Variants in CACNA2D3 observed in about 807,000 individuals in gnomAD.
CACNA2D3 encodes the protein calcium voltage-gated channel auxiliary subunit alpha2delta 3.
In CACNA2D3, 60 loss-of-function variants were observed where a neutral mutation model predicts 160.6. The observed-to-expected ratio is 0.37, with a 90% CI of 0.30 to 0.46. The LOEUF is 0.46. CACNA2D3 is among the 20% of genes least tolerant of loss of function. CACNA2D3 has a pLI of 1.00. For synonymous variants in CACNA2D3, 558 were observed against 492.9 expected, an observed-to-expected ratio of 1.13 and a Z score of -1.75; for missense variants, 1,205 against 1,365.0, an observed-to-expected ratio of 0.88 and a Z score of 1.85.
chr3:54,356,144 G>A (rs1405494768), intron 3 of CACNA2D3, among the ~76,000 whole-genome samples: 1 of 152,196 alleles, frequency 6.6e-6, no homozygotes, highest in Non-Finnish European at 1.5e-5. Context: ...AGCTCCCTCA[G>A]TGAAATTTGG....
chr3:54,444,302 A>G (rs948026914), intron 4 of CACNA2D3, among the ~76,000 whole-genome samples: 2 of 152,142 alleles, frequency 1.3e-5, no homozygotes, highest in Non-Finnish European at 2.9e-5. Context: ...TTAATGAGCA[A>G]TTCCTGCTTA....
intron 35 of CACNA2D3, among the ~76,000 whole-genome samples, chr3:55,055,693 C>A (rs753079117): frequency 1.3e-5 from 2 of 152,022 alleles, no homozygotes; most frequent in Non-Finnish European, 2.9e-5. Flanking sequence ...AGGATATTTT[C>A]CATTTTTGGT....
chr3:55,056,286 A>C (rs1338746757), intron 35 of CACNA2D3, among the ~76,000 whole-genome samples: 1 of 152,218 alleles, frequency 6.6e-6, no homozygotes, highest in Non-Finnish European at 1.5e-5. Context: ...ACTAGCTCTT[A>C]TTAAAAGGAT....
At position 54,827,437 on chromosome 3, in the gene CACNA2D3, CCTT is replaced by C. The variant is rs376574341; in HGVS notation, c.1399-9719_1399-9717del. Among the ~76,000 whole-genome samples, 113 of 152,326 alleles carry C rather than the reference CCTT, an allele frequency of 7.4e-4. 1 individual carries two copies. The highest frequency in any genetic ancestry group is 3.4e-3 in the Middle Eastern group (1 of 294). ...AAAATGACTCAGCAAGTTTGAGTAA[CCTT>C]CTCCAGCATGTTAATGCAGGTCTGT... On this transcript the variant is annotated intron_variant, in intron 14 of 37. Coordinates refer to ENST00000474759, the MANE Select transcript of CACNA2D3 (RefSeq NM_018398.3).
chr3:54,968,639 C>T, intron 28 of CACNA2D3, 128 bp downstream of exon 28: 1 of 673,290 alleles, frequency 1.5e-6, no homozygotes, highest in Non-Finnish European at 2.7e-6. Context: ...GCCGGCTGCT[C>T]AGATTACCTT....
intron 4 of CACNA2D3, among the ~76,000 whole-genome samples, chr3:54,500,002 T>A (rs1379716742): frequency 6.6e-6 from 1 of 152,166 alleles, no homozygotes; most frequent in Non-Finnish European, 1.5e-5. Flanking sequence ...AGTCTTTAAC[T>A]ATAATAGCTA....
At chr3:54,532,995 A>ACT (rs1189965089) in intron 5 of CACNA2D3, among the ~76,000 whole-genome samples, 1 of 152,168 alleles carries the variant, frequency 6.6e-6, no homozygotes, top group African/African-American at 2.4e-5. Context: ...GGCCATTCTT[A>ACT]CTAGTGTAAG....
intron 2 of CACNA2D3, among the ~76,000 whole-genome samples, chr3:54,313,260 C>T (rs1703780717): frequency 6.6e-6 from 1 of 152,022 alleles, no homozygotes; most frequent in African/African-American, 2.4e-5. Flanking sequence ...TGTGTCTGGC[C>T]CCTAGAACCC....
chr3:54,870,349 C>T (rs2106818364), intron 17 of CACNA2D3, among the ~76,000 whole-genome samples: 1 of 152,292 alleles, frequency 6.6e-6, no homozygotes, highest in African/African-American at 2.4e-5. Flanking sequence ...TCTTAAAACA[C>T]TTAGACTGAC....
At chr3:54,871,213 AC>A (rs1454045802) in intron 17 of CACNA2D3, among the ~76,000 whole-genome samples, 2 of 107,012 alleles carry the variant, frequency 1.9e-5, no homozygotes, top group East Asian at 1.1e-3. Context: ...ACACACACAC[AC>A]ACACACACAC....
chr3:54,538,837 T>C (rs773425667), intron 5 of CACNA2D3, among the ~76,000 whole-genome samples: 1 of 152,170 alleles, frequency 6.6e-6, no homozygotes, highest in Admixed American at 6.5e-5. Context: ...GTCCATACTA[T>C]ATGTATGAAT....
At position 54,887,940 on chromosome 3, in the gene CACNA2D3, T is replaced by C. The variant is rs997186637; in HGVS notation, c.2057-19T>C. The C allele has an allele frequency of 3.1e-6, 5 of 1,604,750 alleles. No individual in the cohort carries two copies. The African/African-American group carries it at 6.7e-5, about 21-fold the overall frequency. ...TTCCAGCCCTGCTGAAGCATCCTCTTGTCTGTCCCTCCCAACAGGTGATAA... is the reference window on the plus strand; with the variant it reads ...TTCCAGCCCTGCTGAAGCATCCTCTCGTCTGTCCCTCCCAACAGGTGATAA... On this transcript the variant is annotated intron_variant, in intron 23 of 37. Transcript: ENST00000474759.
At chr3:54,833,302 C>CATAGCAGT (rs1703917916) in intron 14 of CACNA2D3, among the ~76,000 whole-genome samples, 1 of 152,206 alleles carries the variant, frequency 6.6e-6, no homozygotes, top group South Asian at 2.1e-4. Context: ...AGTGTAATTG[C>CATAGCAGT]ATAGCAGTTC....
chr3:54,394,251 T>G (rs1343916086), intron 4 of CACNA2D3, among the ~76,000 whole-genome samples: 1 of 151,692 alleles, frequency 6.6e-6, no homozygotes, highest in Non-Finnish European at 1.5e-5. Context: ...GCTGCTTGGT[T>G]GTGCCCCAGA....
At chr3:54,322,190 G>A (rs1181206777) in intron 3 of CACNA2D3, among the ~76,000 whole-genome samples, 1 of 152,206 alleles carries the variant, frequency 6.6e-6, no homozygotes, top group Non-Finnish European at 1.5e-5. Flanking sequence ...CCTCCTTGAG[G>A]CAGTGGGCCC....
At chr3:55,008,450 C>G (rs4955916) in intron 33 of CACNA2D3, among the ~76,000 whole-genome samples, 34,535 of 152,108 alleles carry the variant, frequency 0.23, 3,948 homozygotes, top group Admixed American at 0.26. Flanking sequence ...CATAGATGAA[C>G]ATGTAAACAA....
chr3:54,826,684 T>C (rs1336360206), intron 14 of CACNA2D3, among the ~76,000 whole-genome samples: 2 of 152,154 alleles, frequency 1.3e-5, no homozygotes, highest in Non-Finnish European at 2.9e-5. Context: ...CTTCCCAGTG[T>C]GCATCCTTCC....
chr3:54,331,468 C>T (rs1330388352), intron 3 of CACNA2D3, among the ~76,000 whole-genome samples: 2 of 152,144 alleles, frequency 1.3e-5, no homozygotes, highest in Non-Finnish European at 2.9e-5. Flanking sequence ...ATAATTCCCC[C>T]ACAGAAAGCC....
At chr3:54,291,174 T>G (rs762310955) in intron 2 of CACNA2D3, among the ~76,000 whole-genome samples, 1 of 152,236 alleles carries the variant, frequency 6.6e-6, no homozygotes, top group Non-Finnish European at 1.5e-5. Context: ...TGAGTGATCC[T>G]TATTTATATT....
Sources: allele counts gnomAD v4.1 joint callset (sites outside exome capture counted in the v4.1 genomes callset), GRCh38; gene constraint gnomAD v4.1.1; transcripts MANE v1.5; gene names NCBI Gene and HGNC (gene_info 2026-07-23, HGNC 2026-07-21).